BAHCC1: variants seen among roughly 807,000 people sequenced by gnomAD.
BAHCC1 encodes BAH and coiled-coil domain-containing protein 1.
Under a neutral mutation model 88.2 loss-of-function variants are expected in BAHCC1, and 43 were observed. The ratio of observed to expected loss-of-function variants is 0.49; its 90% CI spans 0.38 to 0.63. BAHCC1 has a LOEUF of 0.63. Ranked by LOEUF, BAHCC1 falls within the 20% of genes least tolerant of loss-of-function variation. The probability of loss-of-function intolerance (pLI) is 0.00; values close to 1 mark genes in which losing one functional copy is unlikely to be tolerated. For synonymous variants in BAHCC1, 1,510 were observed against 745.5 expected, an observed-to-expected ratio of 2.03 and a Z score of -16.71; for missense variants, 3,023 against 1,654.8, an observed-to-expected ratio of 1.83 and a Z score of -14.34.
At chr17:81,462,420 A>C in intron 26 of BAHCC1, 1 of 496,198 alleles carries the variant, frequency 2.0e-6, no homozygotes, top group East Asian at 3.4e-5. Context: ...TCGGGGGCGC[A>C]TGTGGGGCCA....
At position 81,441,822 on chromosome 17, in the gene BAHCC1, C is replaced by G. The variant is rs782013292; in HGVS notation, c.482-9C>G. The G allele has an allele frequency of 1.6e-6, 1 of 637,310 alleles. No individual in the cohort carries two copies. The highest frequency in any genetic ancestry group is 2.4e-5 in the Admixed American group (1 of 41,136). 39.5% of individuals were successfully genotyped at this position (637,310 alleles called of 1,614,324 possible). A position where few individuals can be genotyped will look rare whatever the true frequency, so the allele number is the denominator to read the frequency against. On this transcript the variant is annotated splice_polypyrimidine_tract_variant and intron_variant, in intron 4 of 27. Coordinates refer to ENST00000675386, the MANE Select transcript of BAHCC1 (RefSeq NM_001377448.1). ...GGCCTCCCATTGACCTTGGCTCTTT[C>G]CCACACAGATAACTTCTACCTGCGC...
chr17:81,440,486 A>G lies in BAHCC1; in HGVS notation c.482-1345A>G, dbSNP rs995990429. Among the ~76,000 whole-genome samples the G allele has an allele frequency of 3.3e-5, 5 of 152,180 alleles. No individual in the cohort carries two copies. The East Asian group carries it at 9.6e-4, about 29-fold the overall frequency. ...CAAGGAATTTACATGCCTGAGGACA[A>G]TTTTACAAGTTCCAAATGTTTCTTT... is the stretch of plus-strand genomic sequence containing the variant. On this transcript the variant is annotated intron_variant, in intron 4 of 27. Transcript: ENST00000675386.
At chr17:81,409,427 A>G (rs74002262) in intron 2 of BAHCC1, among the ~76,000 whole-genome samples, 3,606 of 152,120 alleles carry the variant, frequency 0.024, 136 homozygotes, top group African/African-American at 0.082. Context: ...GTGTGAATGG[A>G]GGGAGGCAGC....
chr17:81,429,077 C>T lies in BAHCC1; in HGVS notation c.358+2098C>T, dbSNP rs1002968479. ...GTTCACCTGTCCACCCTGCTGGGCA[C>T]CTGGCACCCTGGCTGGGCGAGACGC... On this transcript the variant is annotated intron_variant, in intron 3 of 27. Coordinates refer to ENST00000675386, the MANE Select transcript of BAHCC1 (RefSeq NM_001377448.1). 4.6e-3 allele frequency among the ~76,000 whole-genome samples: 704 copies of T among 152,288 alleles called. 1 individual carries two copies. The highest frequency in any genetic ancestry group is 8.0e-3 in the Admixed American group (123 of 15,310).
intron 2 of BAHCC1, among the ~76,000 whole-genome samples, chr17:81,426,495 C>T (rs934986103): frequency 6.8e-6 from 1 of 146,338 alleles, no homozygotes; most frequent in Non-Finnish European, 1.5e-5. Flanking sequence ...TGATATGGCT[C>T]GTGGTGGTGG....
chr17:81,442,200 T>C lies in BAHCC1; in HGVS notation c.851T>C (p.Leu284Pro). The change falls in exon 5 of 28, where the codon CTC becomes CCC. Residue 284 changes from leucine to proline, a missense_variant. Physicochemically the swap from Leu to Pro is moderately conservative, Grantham distance 98 (BLOSUM62 -3). Transcript: ENST00000675386. The stretch of plus-strand genomic sequence containing the variant: ...CGCCCCAAGCACCTCACCTCCTGCC[T>C]CCTCAACACCAAGGTGCTCAACGGC... ...EGRPKHLTSC[L>P]LNTKVLNGEM... is the part of the protein sequence containing the mutation. 1 of 657,796 alleles carries C rather than the reference T, an allele frequency of 1.5e-6. No homozygotes were observed. The highest frequency in any genetic ancestry group is 2.7e-6 in the Non-Finnish European group (1 of 363,662). The allele number at this position is 657,796 out of a possible 1,614,324, so 40.7% of individuals were successfully genotyped here. A position where few individuals can be genotyped will look rare whatever the true frequency, so the allele number is the denominator to read the frequency against.
At chr17:81,424,472 C>G (rs188056546) in intron 2 of BAHCC1, among the ~76,000 whole-genome samples, 4 of 152,340 alleles carry the variant, frequency 2.6e-5, no homozygotes, top group African/African-American at 7.2e-5. Context: ...GGGCACAGTA[C>G]CCAGCACCCA....
At chr17:81,452,671 C>T (rs781953554) in intron 13 of BAHCC1, 52 bp from the exon 14 acceptor site, 39 of 674,336 alleles carry the variant, frequency 5.8e-5, no homozygotes, top group Middle Eastern at 4.8e-4. Context: ...GGAACCTTGT[C>T]GGGGAGCTGG....
intron 2 of BAHCC1, among the ~76,000 whole-genome samples, chr17:81,425,081 A>C (rs1338223043): frequency 2.3e-5 from 2 of 87,720 alleles, no homozygotes; most frequent in Non-Finnish European, 4.3e-5. Flanking sequence ...TTGGTGGGTG[A>C]TGTGGTTGGT....
At position 81,455,377 on chromosome 17, in the gene BAHCC1, A is replaced by G. The variant is rs1555657030; in HGVS notation, c.4556A>G (p.Gln1519Arg). 1 of 716,338 alleles carries G rather than the reference A, an allele frequency of 1.4e-6. No homozygotes were observed. Among genetic ancestry groups the G allele is most frequent in the Non-Finnish European group, 2.6e-6 (1 of 384,926 alleles). 44.4% of individuals were successfully genotyped at this position (716,338 alleles called of 1,614,324 possible). A position where few individuals can be genotyped will look rare whatever the true frequency, so the allele number is the denominator to read the frequency against. ...GAGAGGAGCGTCTATGCGGGCCTGC[A>G]GACTGCCTCCGTGGTGAGTGCCGAG... ...KLERSVYAGL[Q>R]TASVEKAQCK... Residue 1519 changes from glutamine to arginine, a missense_variant, in exon 15 of 28, where the codon CAG (glutamine) becomes CGG (arginine). Physicochemically the swap from Gln to Arg is conservative, Grantham distance 43 (BLOSUM62 1). Transcript: ENST00000675386.
intron 2 of BAHCC1, among the ~76,000 whole-genome samples, chr17:81,425,272 A>G (rs2064168715): frequency 2.0e-5 from 1 of 50,808 alleles, no homozygotes. Context: ...GTTGGGGGTG[A>G]TAGTGGTGGG....
At chr17:81,406,576 C>T (rs2063882173) in intron 2 of BAHCC1, among the ~76,000 whole-genome samples, 1 of 152,268 alleles carries the variant, frequency 6.6e-6, no homozygotes, top group African/African-American at 2.4e-5. Context: ...TGGGACCGCA[C>T]TCCGCTCGGG....
chr17:81,403,593 C>T (rs1305575923), intron 2 of BAHCC1, among the ~76,000 whole-genome samples: 3 of 151,878 alleles, frequency 2.0e-5, no homozygotes, highest in African/African-American at 7.3e-5. Flanking sequence ...CCATCACAGG[C>T]TCCTCTCCCT....
intron 3 of BAHCC1, among the ~76,000 whole-genome samples, chr17:81,427,679 T>C: frequency 6.6e-6 from 1 of 152,268 alleles, no homozygotes; most frequent in South Asian, 2.1e-4. Flanking sequence ...CAGTTGCTGG[T>C]ATTCCCTCGG....
intron 2 of BAHCC1, among the ~76,000 whole-genome samples, chr17:81,405,881 A>G (rs1555646794): frequency 6.6e-6 from 1 of 151,690 alleles, no homozygotes; most frequent in Non-Finnish European, 1.5e-5. Flanking sequence ...GTCTCCCCCA[A>G]CCCCCTGAGC....
intron 2 of BAHCC1, among the ~76,000 whole-genome samples, chr17:81,415,236 G>A (rs1282491595): frequency 1.3e-5 from 2 of 152,236 alleles, no homozygotes; most frequent in Non-Finnish European, 2.9e-5. Context: ...TGGACCCTGG[G>A]TTTGCCCATG....
intron 3 of BAHCC1, among the ~76,000 whole-genome samples, chr17:81,436,445 G>A (rs926378028): frequency 5.3e-5 from 8 of 152,228 alleles, no homozygotes; most frequent in Admixed American, 1.3e-4. Flanking sequence ...CCTGGGAAAC[G>A]GTGTCTGGGA....
intron 6 of BAHCC1, 48 bp downstream of exon 6, chr17:81,443,965 TG>T: frequency 2.9e-6 from 2 of 699,030 alleles, no homozygotes; most frequent in Non-Finnish European, 2.6e-6. Context: ...GGCCTGGGCT[TG>T]GGGCTCCCCA....
At position 81,434,686 on chromosome 17, in the gene BAHCC1, G is replaced by C. The variant is rs1555651447; in HGVS notation, c.359-3684G>C. The stretch of plus-strand genomic sequence containing the variant: ...AGATACCCCAAGTTCAGCATCCTGA[G>C]AGACCCAGGAGCAGCCCCTGGTTTT... On this transcript the variant is annotated intron_variant, in intron 3 of 27. Coordinates refer to ENST00000675386, the MANE Select transcript of BAHCC1 (RefSeq NM_001377448.1). The surrounding 1 kb of genome is among the most constrained non-coding windows in gnomAD (Gnocchi z 4.9). Among the ~76,000 whole-genome samples, 1 of 152,104 alleles carries C rather than the reference G, an allele frequency of 6.6e-6. No homozygotes were observed. Among genetic ancestry groups the C allele is most frequent in the African/African-American group, 2.4e-5 (1 of 41,404 alleles).
Sources: allele counts gnomAD v4.1 joint callset (sites outside exome capture counted in the v4.1 genomes callset), GRCh38; gene constraint gnomAD v4.1.1; non-coding constraint Gnocchi (gnomAD v3.1); transcripts MANE v1.5; gene names NCBI Gene and HGNC (gene_info 2026-07-23, HGNC 2026-07-21).